Variants in PLXNC1 observed in about 807,000 individuals in gnomAD.
The protein encoded by PLXNC1 is plexin C1.
PLXNC1 carries 75 observed loss-of-function variants against 178.2 expected under a neutral mutation model. The ratio of observed to expected loss-of-function variants is 0.42; its 90% confidence interval spans 0.35 to 0.51. The LOEUF (loss-of-function observed/expected upper bound fraction) is 0.51, where lower values mean the gene tolerates loss of function less well. Ranked by LOEUF, PLXNC1 falls within the 20% of genes least tolerant of loss-of-function variation. PLXNC1 has a pLI of 0.02. For synonymous variants in PLXNC1, 790 were observed against 779.9 expected (o/e 1.01, Z -0.22); for missense variants, 1,503 against 1,984.4 (o/e 0.76, Z 4.61).
At chr12:94,262,128 C>G (rs1177739568) in intron 20 of PLXNC1, among the ~76,000 whole-genome samples, 1 of 152,176 alleles carries the variant, frequency 6.6e-6, no homozygotes, top group Non-Finnish European at 1.5e-5. Flanking sequence ...CCAACTCCTG[C>G]CCCACCACAG....
At chr12:94,205,530 G>A (rs1309914539) in intron 4 of PLXNC1, among the ~76,000 whole-genome samples, 1 of 152,182 alleles carries the variant, frequency 6.6e-6, no homozygotes, top group Admixed American at 6.5e-5. Context: ...GGGGAAAAAT[G>A]CATTTTATAT....
At chr12:94,305,135 A>G (rs777207902) in intron 30 of PLXNC1, 46 bp from the exon 31 acceptor site, 2 of 1,263,856 alleles carry the variant, frequency 1.6e-6, no homozygotes, top group Admixed American at 3.8e-5. Flanking sequence ...CAGAATTGTA[A>G]CGCTAAAACC....
At chr12:94,251,052 A>C (rs537111874) in intron 14 of PLXNC1, among the ~76,000 whole-genome samples, 1 of 152,082 alleles carries the variant, frequency 6.6e-6, no homozygotes, top group South Asian at 2.1e-4. Context: ...CTGCCTGTAA[A>C]AATGATAAAA....
At chr12:94,278,106 C>G (rs1966120897) in intron 21 of PLXNC1, 1 of 453,798 alleles carries the variant, frequency 2.2e-6, no homozygotes. Flanking sequence ...TCTGTCTTCT[C>G]CCTTCCTTCT....
At chr12:94,196,531 C>A (rs546021307) in intron 4 of PLXNC1, among the ~76,000 whole-genome samples, 6 of 152,306 alleles carry the variant, frequency 3.9e-5, no homozygotes, top group African/African-American at 1.4e-4. Flanking sequence ...AAATCATGAG[C>A]CAATTAAACC....
At chr12:94,252,360 G>A (rs142746550) in intron 15 of PLXNC1, among the ~76,000 whole-genome samples, 289 of 152,292 alleles carry the variant, frequency 1.9e-3, no homozygotes, top group Non-Finnish European at 3.1e-3. Context: ...AAGTCCAGGA[G>A]TTTGAGGTTA....
chr12:94,289,896 G>C (rs566520129), intron 23 of PLXNC1, among the ~76,000 whole-genome samples: 167 of 152,286 alleles, frequency 1.1e-3, no homozygotes, highest in Middle Eastern at 3.4e-3. Flanking sequence ...TTCTACACTT[G>C]CTCTTGGGAG....
chr12:94,161,866 A>G (rs746880333), intron 1 of PLXNC1, among the ~76,000 whole-genome samples: 1 of 152,214 alleles, frequency 6.6e-6, no homozygotes, highest in Non-Finnish European at 1.5e-5. Flanking sequence ...GAACTCAGTA[A>G]TGATTAGGCC....
intron 4 of PLXNC1, among the ~76,000 whole-genome samples, chr12:94,189,032 G>A (rs535961640): frequency 2.6e-4 from 40 of 152,338 alleles, no homozygotes; most frequent in Admixed American, 5.2e-4. Context: ...GGGAAATATC[G>A]AGCGGTTGCC....
chr12:94,166,920 C>T lies in PLXNC1; in HGVS notation c.1063-2233C>T, dbSNP rs1467611855. 3.9e-5 allele frequency among the ~76,000 whole-genome samples: 6 copies of T among 152,080 alleles called. No homozygotes were observed. In the East Asian group the frequency reaches 1.2e-3, roughly 29 times the overall value. On this transcript the variant is annotated intron_variant, in intron 1 of 30. Transcript: ENST00000258526. The stretch of plus-strand genomic sequence containing the variant: ...TAGGTGGGACAACAGGTGTGTGCCA[C>T]ACATCTGGCTGATTTTTTATCTCTG...
intron 2 of PLXNC1, among the ~76,000 whole-genome samples, chr12:94,175,419 T>TC (rs147063001): frequency 2.0e-5 from 3 of 152,198 alleles, no homozygotes; most frequent in Non-Finnish European, 4.4e-5. Flanking sequence ...TTAATTTTTC[T>TC]CCCCCCTCAT....
At chr12:94,197,199 CAG>C (rs756305689) in intron 4 of PLXNC1, among the ~76,000 whole-genome samples, 18 of 152,118 alleles carry the variant, frequency 1.2e-4, no homozygotes, top group Admixed American at 7.2e-4. Context: ...CTCACATCTG[CAG>C]AGTCCCCTTT....
intron 1 of PLXNC1, among the ~76,000 whole-genome samples, chr12:94,152,267 T>C (rs1038369795): frequency 2.0e-5 from 3 of 152,132 alleles, no homozygotes; most frequent in African/African-American, 7.2e-5. Context: ...CAAGAGGAGT[T>C]TGAATGAAAA....
At chr12:94,249,380 G>A (rs1277412315) in intron 14 of PLXNC1, among the ~76,000 whole-genome samples, 4 of 151,998 alleles carry the variant, frequency 2.6e-5, no homozygotes, top group Admixed American at 1.3e-4. Context: ...TTACAGGTGC[G>A]CACCACCACA....
At chr12:94,154,398 G>T (rs974033712) in intron 1 of PLXNC1, among the ~76,000 whole-genome samples, 1 of 152,186 alleles carries the variant, frequency 6.6e-6, no homozygotes, top group Non-Finnish European at 1.5e-5. Context: ...GGTGATGATA[G>T]TAAAGACATC....
chr12:94,236,486 C>T (rs151024867), intron 9 of PLXNC1, among the ~76,000 whole-genome samples: 7 of 152,334 alleles, frequency 4.6e-5, no homozygotes, highest in East Asian at 1.9e-4. Context: ...TTGGACATCA[C>T]GGAGTTCTCC....
chr12:94,263,998 C>T (rs1458979777), intron 20 of PLXNC1, among the ~76,000 whole-genome samples: 2 of 152,108 alleles, frequency 1.3e-5, no homozygotes, highest in Non-Finnish European at 1.5e-5. Flanking sequence ...CCCAGCTGGA[C>T]GTATCGCTTG....
At chr12:94,177,543 G>GAA (rs1363718177) in intron 2 of PLXNC1, among the ~76,000 whole-genome samples, 1 of 150,716 alleles carries the variant, frequency 6.6e-6, no homozygotes, top group Non-Finnish European at 1.5e-5. Context: ...GAAAGAAAGA[G>GAA]AGAGAAAGAA....
intron 2 of PLXNC1, among the ~76,000 whole-genome samples, chr12:94,176,168 G>T (rs1467796532): frequency 1.3e-5 from 2 of 152,158 alleles, no homozygotes; most frequent in East Asian, 3.8e-4. Flanking sequence ...GTGACTCATT[G>T]TTACTTCCTG....
Sources: allele counts gnomAD v4.1 joint callset (sites outside exome capture counted in the v4.1 genomes callset), GRCh38; gene constraint gnomAD v4.1.1; transcripts MANE v1.5; gene names NCBI Gene and HGNC (gene_info 2026-07-23, HGNC 2026-07-21).